Variants in STX10 observed in about 807,000 individuals in gnomAD.
STX10 encodes syntaxin 10.
In STX10, 35 loss-of-function variants were observed where a neutral mutation model predicts 34.1. The observed-to-expected ratio is 1.03, with a 90% CI of 0.78 to 1.36. The LOEUF is 1.36. Ranked by LOEUF, STX10 falls within the 40% of genes most tolerant of loss-of-function variation. STX10 has a pLI of 0.00. For synonymous variants in STX10, 155 were observed against 132.9 expected, an observed-to-expected ratio of 1.17 and a Z score of -1.15; for missense variants, 361 against 335.5, an observed-to-expected ratio of 1.08 and a Z score of -0.59.
At position 13,144,600 on chromosome 19, in the gene STX10, G is replaced by A. The variant is rs1280950416; in HGVS notation, c.650C>T (p.Ala217Val). Reference protein sequence around the residue: ...SRMDGVLRKLAKVSHMTSDRR... With the variant: ...SRMDGVLRKLVKVSHMTSDRR... The stretch of plus-strand genomic sequence containing the variant: ...ACCACTCGTCATGTGGGATACTTTG[G>A]CCAACTTCCTGAGGACCCCGTCCAT... Residue 217 changes from alanine (A) to valine (V), a missense_variant, in exon 7 of 8, where the codon GCC (alanine) becomes GTC (valine). Physicochemically the swap from Ala to Val is moderately conservative, Grantham distance 64 (BLOSUM62 0). Coordinates refer to ENST00000587230, the MANE Select transcript of STX10 (RefSeq NM_003765.3). 4 of 1,614,140 alleles carry A rather than the reference G, an allele frequency of 2.5e-6. No individual in the cohort carries two copies. The highest frequency in any genetic ancestry group is 3.3e-5 in the Admixed American group (2 of 60,024).
intron 4 of STX10, 151 bp downstream of exon 4, chr19:13,148,878 C>G (rs1010933869): frequency 8.0e-6 from 5 of 625,242 alleles, no homozygotes; most frequent in African/African-American, 7.5e-5. Context: ...GTGCACACAC[C>G]GAGAAAGTGC....
chr19:13,144,602 CA>C lies in STX10; in HGVS notation c.647del (p.Leu216TrpfsTer7). On this transcript the variant is annotated frameshift_variant, in exon 7 of 8. Coordinates refer to ENST00000587230, the MANE Select transcript of STX10 (RefSeq NM_003765.3). LOFTEE classifies it low-confidence loss of function (END_TRUNC). ...CACTCGTCATGTGGGATACTTTGGC[CA>C]ACTTCCTGAGGACCCCGTCCATGCG... is the stretch of plus-strand genomic sequence containing the variant. ...QSRMDGVLRK[L>X]AKVSHMTSDR... is the part of the protein sequence containing the mutation. The C allele has an allele frequency of 6.2e-7, 1 of 1,614,180 alleles. No homozygotes were observed.
chr19:13,149,988 C>T, intron 1 of STX10, 91 bp from the exon 2 acceptor site: 2 of 1,475,088 alleles, frequency 1.4e-6, no homozygotes, highest in Non-Finnish European at 1.8e-6. Flanking sequence ...GCATGGGGGA[C>T]TCCGGAGACC....
At chr19:13,147,774 G>C (rs1436522972) in intron 4 of STX10, among the ~76,000 whole-genome samples, 4 of 151,602 alleles carry the variant, frequency 2.6e-5, no homozygotes. Flanking sequence ...GTGGGTGCCT[G>C]TAATCCCAGC....
At position 13,150,332 on chromosome 19, in the gene STX10, G is replaced by A. The variant is rs1156705286; in HGVS notation, c.-159C>T. 2.5e-5 allele frequency: 15 copies of A among 604,022 alleles called. No homozygotes were observed. The allele number at this position is 604,022 out of a possible 1,614,324, so 37.4% of individuals were successfully genotyped here. A position where few individuals can be genotyped will look rare whatever the true frequency, so the allele number is the denominator to read the frequency against. ...GAAAGAGAAGCCTCGGAGGCCCGAC[G>A]TGCGGACACTTCCGCCCTCTCCTCA... is the stretch of plus-strand genomic sequence containing the variant. On this transcript the variant is annotated 5_prime_UTR_variant, in exon 1 of 8. The change creates a new upstream start codon in the 5' untranslated region. Transcript: ENST00000587230. This position sits in a 1 kb window ranked among gnomAD's most constrained non-coding sequence, Gnocchi z 4.0.
intron 2 of STX10, 47 bp downstream of exon 2, chr19:13,149,681 G>A: frequency 6.2e-7 from 1 of 1,608,994 alleles, no homozygotes; most frequent in South Asian, 1.1e-5. Context: ...GGCTGCCACC[G>A]CAATGGGCTC....
At chr19:13,149,178 A>G (rs2019984901) in intron 3 of STX10, 87 bp from the exon 4 acceptor site, 2 of 1,202,546 alleles carry the variant, frequency 1.7e-6, no homozygotes, top group East Asian at 2.6e-5. Context: ...TTGAGAGACC[A>G]AGCCGGGTGG....
In STX10 at chr19:13,149,594, G is replaced by A. The variant is rs771307826; in HGVS notation, c.206-1C>T. On this transcript the variant is annotated splice_acceptor_variant, in intron 2 of 7. Coordinates refer to ENST00000587230, the MANE Select transcript of STX10 (RefSeq NM_003765.3). LOFTEE classifies it high-confidence loss of function. Reference sequence around the variant, plus strand: ...TTGCCTGGGTTGGCTTCCACTATACGTGGGCTGAGAGTCAAGGGTCAAGGC... The same window carrying A: ...TTGCCTGGGTTGGCTTCCACTATACATGGGCTGAGAGTCAAGGGTCAAGGC... The A allele has an allele frequency of 6.2e-7, 1 of 1,613,984 alleles. No homozygotes were observed.
At position 13,144,755 on chromosome 19, in the gene STX10, T is replaced by C. The variant is rs769102493; in HGVS notation, c.578+9A>G. The C allele has an allele frequency of 1.4e-5, 22 of 1,613,202 alleles. No homozygotes were observed. Among genetic ancestry groups the C allele is most frequent in the Non-Finnish European group, 1.7e-5 (20 of 1,179,790 alleles). ...AGCCCCTGGCCCACCCCCAGGGTCC[T>C]GGCCTCACATGCCCTGCTCGTCCAG... On this transcript the variant is annotated intron_variant, in intron 6 of 7. Transcript: ENST00000587230.
In STX10 at chr19:13,149,800, A is replaced by G. The variant is rs1235520463; in HGVS notation, c.133T>C (p.Trp45Arg). 5.0e-6 allele frequency: 8 copies of G among 1,613,934 alleles called. No individual in the cohort carries two copies. Among genetic ancestry groups the G allele is most frequent in the African/African-American group, 1.3e-5 (1 of 74,942 alleles). The change falls in exon 2 of 8, where the codon TGG becomes CGG. Residue 45 changes from tryptophan (W) to arginine (R), a missense_variant. By Grantham distance (101) the Trp-to-Arg change is moderately radical. Coordinates refer to ENST00000587230, the MANE Select transcript of STX10 (RefSeq NM_003765.3). ...SAAVGREELD[W>R]TTNELRNGLR... is the part of the protein sequence containing the mutation. ...CCATTCCGCAGCTCATTGGTCGTCCAGTCCAGCTCCTCGCGTCCGACCGCC... is the reference window on the plus strand; with the variant it reads ...CCATTCCGCAGCTCATTGGTCGTCCGGTCCAGCTCCTCGCGTCCGACCGCC...
intron 2 of STX10, 34 bp downstream of exon 2, chr19:13,149,694 C>T: frequency 6.2e-7 from 1 of 1,610,372 alleles, no homozygotes; most frequent in Non-Finnish European, 8.5e-7. Context: ...ATGGGCTCTC[C>T]CATGCCACCC....
chr19:13,149,621 G>A (rs962637373), intron 2 of STX10, 28 bp from the exon 3 acceptor site: 2 of 1,613,384 alleles, frequency 1.2e-6, no homozygotes, highest in African/African-American at 1.3e-5. Context: ...GGTCAAGGCC[G>A]GAGCCAGATA....
Position 13,145,354 on chromosome 19 carries a change from G to A in STX10, c.405C>T (p.Asp135=), listed in dbSNP as rs752930346. ...GKPAAQKSPS[D]LLDASAVSAT... The stretch of plus-strand genomic sequence containing the variant: ...CCGAGACTGCGCTGGCATCCAGCAG[G>A]TCGCTGGGTGACTTCTGGGCAGCTG... Residue 135 remains aspartate, a synonymous_variant, in exon 5 of 8, where the codon GAC becomes GAT. Coordinates refer to ENST00000587230, the MANE Select transcript of STX10 (RefSeq NM_003765.3). 2 of 1,611,900 alleles carry A rather than the reference G, an allele frequency of 1.2e-6. No individual in the cohort carries two copies. The highest frequency in any genetic ancestry group is 1.7e-6 in the Non-Finnish European group (2 of 1,179,974).
chr19:13,149,347 G>A, intron 3 of STX10, 152 bp downstream of exon 3: 2 of 721,792 alleles, frequency 2.8e-6, no homozygotes, highest in South Asian at 1.9e-5. Flanking sequence ...GGGAGGCGGA[G>A]GTTGCAGTGA....
In STX10 at chr19:13,149,499, C is replaced by T; in HGVS notation, c.300G>A (p.Gln100=). 1 of 1,613,756 alleles carries T rather than the reference C, an allele frequency of 6.2e-7. No individual in the cohort carries two copies. The highest frequency in any genetic ancestry group is 8.5e-7 in the Non-Finnish European group (1 of 1,179,870). ...VFVERMREAV[Q]EMKDHMVSPT... ...CCCCGCCTGCAGGACCTTTCCTGAC[C>T]TGGACTGCCTCTCGCATCCGCTCCA... The change falls in exon 3 of 8, where the codon CAG becomes CAA. Residue 100 remains glutamine (Q), a splice_region_variant and synonymous_variant. Coordinates refer to ENST00000587230, the MANE Select transcript of STX10 (RefSeq NM_003765.3).
At chr19:13,148,658 C>T (rs1018233597) in intron 4 of STX10, among the ~76,000 whole-genome samples, 5 of 151,606 alleles carry the variant, frequency 3.3e-5, no homozygotes, top group Non-Finnish European at 7.4e-5. Context: ...CCAGCCTGGG[C>T]AACAGAACAA....
intron 4 of STX10, 76 bp from the exon 5 acceptor site, chr19:13,145,471 G>A: frequency 8.0e-7 from 1 of 1,243,602 alleles, no homozygotes; most frequent in Non-Finnish European, 1.1e-6. Context: ...TCCCCACGGT[G>A]GTAAGTCAGG....
chr19:13,147,858 C>T (rs992266983), intron 4 of STX10, among the ~76,000 whole-genome samples: 10 of 141,112 alleles, frequency 7.1e-5, no homozygotes, highest in Admixed American at 1.5e-4. Flanking sequence ...CACGTCACTG[C>T]ACTCCAGCCT....
In STX10 at chr19:13,150,143, G is replaced by T; in HGVS notation, c.31C>A (p.Arg11=). The T allele has an allele frequency of 5.1e-6, 6 of 1,176,200 alleles. No individual in the cohort carries two copies. Among genetic ancestry groups the T allele is most frequent in the African/African-American group, 1.5e-5 (1 of 65,922 alleles). The allele number at this position is 1,176,200 out of a possible 1,614,324, so 72.9% of individuals were successfully genotyped here. ...TCCCCCGTCGTTGTCACTCACCCTC[G>T]GACTACAAAAAAGGGGTCTTCGAGA... is the stretch of plus-strand genomic sequence containing the variant. MSLEDPFFVV[R]GEVQKAVNTA... The change falls in exon 1 of 8, where the codon CGA becomes AGA. Residue 11 remains arginine (R), a synonymous_variant. Coordinates refer to ENST00000587230, the MANE Select transcript of STX10 (RefSeq NM_003765.3). The surrounding 1 kb of genome is among the most constrained non-coding windows in gnomAD (Gnocchi z 4.0).
Sources: allele counts gnomAD v4.1 joint callset (sites outside exome capture counted in the v4.1 genomes callset), GRCh38; gene constraint gnomAD v4.1.1; non-coding constraint Gnocchi (gnomAD v3.1); transcripts MANE v1.5; gene names NCBI Gene and HGNC (gene_info 2026-07-23, HGNC 2026-07-21).